The following STIM1 variants were observed in gnomAD, a reference collection of about 807,000 sequenced individuals.
The protein encoded by STIM1 is stromal interaction molecule 1.
A neutral mutation model predicts 74.7 loss-of-function variants in STIM1; 25 were observed. The ratio of observed to expected loss-of-function variants is 0.33; its 90% CI spans 0.24 to 0.47. The LOEUF is 0.47. STIM1 is among the 20% of genes least tolerant of loss of function. STIM1 has a pLI of 1.00. For synonymous variants in STIM1, 328 were observed against 348.8 expected, an observed-to-expected ratio of 0.94 and a Z score of 0.66; for missense variants, 728 against 920.8, an observed-to-expected ratio of 0.79 and a Z score of 2.71.
intron 2 of STIM1, chr11:3,989,113 C>T: frequency 7.0e-7 from 1 of 1,431,784 alleles, no homozygotes; most frequent in South Asian, 1.2e-5. Context: ...CTGGATTGTA[C>T]AAGAAGGGAG....
At chr11:4,073,515 G>A (rs1358467428) in intron 6 of STIM1, among the ~76,000 whole-genome samples, 1 of 152,196 alleles carries the variant, frequency 6.6e-6, no homozygotes, top group South Asian at 2.1e-4. Context: ...CTCCTCAGTG[G>A]CAGGGAGAGC....
intron 4 of STIM1, chr11:4,059,023 C>T (rs777298753): frequency 6.0e-6 from 6 of 1,000,608 alleles, no homozygotes; most frequent in Admixed American, 3.5e-5. Context: ...GGAATGGTCA[C>T]AGACAGGTAA....
rs2093108521 is a variant in STIM1, at chr11:3,948,644, T to C, written c.140-18908T>C. The stretch of plus-strand genomic sequence containing the variant: ...TATAAGCAGGTGTCAGTTGTGCTTA[T>C]TCATTCCAAGTTCTCAATCTATAAT... On this transcript the variant is annotated intron_variant, in intron 1 of 12. Coordinates refer to ENST00000526596, the MANE Select transcript of STIM1 (RefSeq NM_001382567.1). Among the ~76,000 whole-genome samples the C allele has an allele frequency of 2.0e-5, 3 of 152,242 alleles. No individual in the cohort carries two copies. The South Asian group carries it at 6.2e-4, about 31-fold the overall frequency.
intron 2 of STIM1, among the ~76,000 whole-genome samples, chr11:4,021,969 TTC>T (rs1406956987): frequency 6.6e-6 from 1 of 152,138 alleles, no homozygotes; most frequent in Non-Finnish European, 1.5e-5. Context: ...TTTTTTTAAT[TTC>T]TTTTTCAGAT....
At position 3,939,573 on chromosome 11, in the gene STIM1, C is replaced by A. The variant is rs185912661; in HGVS notation, c.140-27979C>A. Among the ~76,000 whole-genome samples the A allele has an allele frequency of 1.6e-3, 242 of 152,214 alleles. 1 individual carries two copies. Among genetic ancestry groups the A allele is most frequent in the African/African-American group, 5.4e-3 (224 of 41,548 alleles). Reference sequence around the variant, plus strand: ...TGTTAGTCTATCCTTTCTCATTTGACCCTCCCAATACCTTGTGATATAGGC... The same window carrying A: ...TGTTAGTCTATCCTTTCTCATTTGAACCTCCCAATACCTTGTGATATAGGC... On this transcript the variant is annotated intron_variant, in intron 1 of 12. Transcript: ENST00000526596.
At position 4,070,186 on chromosome 11, in the gene STIM1, G is replaced by T. The variant is rs140997213; in HGVS notation, c.774G>T (p.Leu258=). ...GGTTACACCGAGCTGAGCAGAGTCT[G>T]CATGACCTTCAGGAAAGGTAAGGCC... The part of the protein sequence containing the change: ...LEGLHRAEQS[L]HDLQERLHKA... Residue 258 remains leucine, a synonymous_variant, in exon 6 of 13, where the codon CTG becomes CTT. Transcript: ENST00000526596. 25 of 1,614,104 alleles carry T rather than the reference G, an allele frequency of 1.5e-5. No individual in the cohort carries two copies. The East Asian group carries it at 2.2e-4, about 14-fold the overall frequency.
chr11:4,052,201 A>G (rs2094248330), intron 3 of STIM1, among the ~76,000 whole-genome samples: 1 of 152,232 alleles, frequency 6.6e-6, no homozygotes, highest in Admixed American at 6.5e-5. Context: ...TTATAGATTC[A>G]GTGCCATGCC....
intron 1 of STIM1, among the ~76,000 whole-genome samples, chr11:3,896,286 A>G (rs1327537458): frequency 6.6e-6 from 1 of 152,100 alleles, no homozygotes; most frequent in Non-Finnish European, 1.5e-5. Flanking sequence ...GTACTAGGCA[A>G]TGGGTAAGGT....
At chr11:3,950,243 C>T (rs2093129426) in intron 1 of STIM1, among the ~76,000 whole-genome samples, 1 of 151,670 alleles carries the variant, frequency 6.6e-6, no homozygotes, top group South Asian at 2.1e-4. Context: ...AAGCGATTCT[C>T]CTGCCTCAGC....
intron 1 of STIM1, among the ~76,000 whole-genome samples, chr11:3,910,520 G>A (rs2092544217): frequency 6.6e-6 from 1 of 152,052 alleles, no homozygotes; most frequent in South Asian, 2.1e-4. Flanking sequence ...TTGAGTTTAG[G>A]AGTTCAAGAC....
chr11:3,979,422 G>A (rs922544176), intron 2 of STIM1, among the ~76,000 whole-genome samples: 9 of 152,178 alleles, frequency 5.9e-5, no homozygotes, highest in African/African-American at 2.2e-4. Flanking sequence ...TCCGATTTTA[G>A]CCTTTCTTTT....
intron 3 of STIM1, among the ~76,000 whole-genome samples, chr11:4,048,495 A>T (rs16929477): frequency 0.038 from 5,743 of 152,138 alleles, 260 homozygotes; most frequent in East Asian, 0.19. Context: ...TAAGTTCAGC[A>T]TATCTGTATT....
At position 4,023,958 on chromosome 11, in the gene STIM1, A is replaced by T; in HGVS notation, c.356A>T (p.Asp119Val). ...GAGGATAAGCTCATCAGCGTGGAGG[A>T]CCTGTGGAAGGCATGGAAGTCATCA... Reference protein sequence around the residue: ...HGEDKLISVEDLWKAWKSSEV... With the variant: ...HGEDKLISVEVLWKAWKSSEV... The change falls in exon 3 of 13, where the codon GAC (aspartate) becomes GTC (valine). Residue 119 changes from aspartate to valine, a missense_variant. Around this residue, in one of 5 missense-constraint regions of STIM1, gnomAD observed 51 missense variants for 101.1 expected, o/e 0.50. Transcript: ENST00000526596. 1.2e-6 allele frequency: 2 copies of T among 1,614,036 alleles called. No homozygotes were observed. Among genetic ancestry groups the T allele is most frequent in the Non-Finnish European group, 1.7e-6 (2 of 1,179,970 alleles).
chr11:4,018,461 A>G (rs1244797475), intron 2 of STIM1, among the ~76,000 whole-genome samples: 1 of 139,196 alleles, frequency 7.2e-6, no homozygotes, highest in Non-Finnish European at 1.5e-5. Context: ...TCCGTCTCAA[A>G]AAAAAAAAAA....
chr11:3,961,514 A>AT (rs200357765), intron 1 of STIM1: 36,714 of 150,140 alleles, frequency 0.24, 5,555 homozygotes, highest in South Asian at 0.45. Context: ...ATATATACAT[A>AT]TATTTTTTTT....
intron 3 of STIM1, among the ~76,000 whole-genome samples, chr11:4,040,941 A>G (rs1020233706): frequency 6.6e-6 from 1 of 152,218 alleles, no homozygotes. Context: ...TCAGGGTTTG[A>G]TAATGACATC....
chr11:3,917,220 A>G (rs1276803680), intron 1 of STIM1, among the ~76,000 whole-genome samples: 1 of 152,142 alleles, frequency 6.6e-6, no homozygotes, highest in Non-Finnish European at 1.5e-5. Flanking sequence ...GAGGGGAACA[A>G]TGTAGTCAGG....
chr11:3,987,188 C>T (rs755512146), intron 2 of STIM1, among the ~76,000 whole-genome samples: 12 of 152,154 alleles, frequency 7.9e-5, no homozygotes, highest in Non-Finnish European at 1.5e-4. Flanking sequence ...GACCTAGGTT[C>T]AGAATAGTCA....
chr11:3,902,407 A>G (rs770173092), intron 1 of STIM1, among the ~76,000 whole-genome samples: 2 of 152,164 alleles, frequency 1.3e-5, no homozygotes, highest in Admixed American at 6.5e-5. Flanking sequence ...GATCGGTTTC[A>G]TGCAAGATAA....
Sources: allele counts gnomAD v4.1 joint callset (sites outside exome capture counted in the v4.1 genomes callset), GRCh38; gene constraint gnomAD v4.1.1; regional missense constraint gnomAD v4.1.1; transcripts MANE v1.5; gene names NCBI Gene and HGNC (gene_info 2026-07-23, HGNC 2026-07-21).